Variants in TRPM3 observed in about 807,000 individuals in gnomAD.
TRPM3 encodes transient receptor potential cation channel subfamily M member 3.
Under a neutral mutation model 181.2 loss-of-function variants are expected in TRPM3, and 77 were observed. The ratio of observed to expected loss-of-function variants is 0.42; its 90% CI spans 0.35 to 0.51. TRPM3 has a LOEUF of 0.51. Ranked by LOEUF, TRPM3 falls within the 20% of genes least tolerant of loss-of-function variation. TRPM3 has a pLI of 0.01. For synonymous variants in TRPM3, 745 were observed against 796.4 expected (o/e 0.94, Z 1.09); for missense variants, 1,759 against 2,196.7 (o/e 0.80, Z 3.98).
At chr9:70,644,544 G>T (rs1004921679) in intron 9 of TRPM3, among the ~76,000 whole-genome samples, 5 of 152,130 alleles carry the variant, frequency 3.3e-5, no homozygotes, top group African/African-American at 9.7e-5. Context: ...ACTAGGTATT[G>T]ATGGAATGTA....
intron 1 of TRPM3, among the ~76,000 whole-genome samples, chr9:71,284,992 A>G (rs1004417905): frequency 1.3e-5 from 2 of 152,210 alleles, no homozygotes; most frequent in African/African-American, 4.8e-5. Context: ...TAAAAAATAC[A>G]TTTTCCATAA....
intron 1 of TRPM3, among the ~76,000 whole-genome samples, chr9:71,071,106 CT>C (rs2062707708): frequency 6.6e-6 from 1 of 152,094 alleles, no homozygotes; most frequent in African/African-American, 2.4e-5. Flanking sequence ...TCAAAGAGCA[CT>C]GATTGTCCCC....
intron 1 of TRPM3, among the ~76,000 whole-genome samples, chr9:71,298,514 T>C (rs1289921490): frequency 6.6e-6 from 1 of 152,112 alleles, no homozygotes; most frequent in African/African-American, 2.4e-5. Flanking sequence ...ATTTATGGTT[T>C]TATACATTTG....
At chr9:70,855,477 A>G (rs1212786867) in intron 3 of TRPM3, among the ~76,000 whole-genome samples, 1 of 152,050 alleles carries the variant, frequency 6.6e-6, no homozygotes, top group Non-Finnish European at 1.5e-5. Context: ...GAATCTGGCT[A>G]CTCTCTCGGA....
intron 1 of TRPM3, among the ~76,000 whole-genome samples, chr9:70,877,396 T>C (rs776783291): frequency 2.2e-4 from 34 of 152,126 alleles, no homozygotes; most frequent in South Asian, 6.2e-4. Flanking sequence ...TTCTTTAAAG[T>C]GACACAAATA....
chr9:71,311,900 G>T lies in TRPM3; in HGVS notation c.183+134753C>A, dbSNP rs2087982634. ...TAATTTTTGTTGGGCTGCATTCAAA[G>T]ATTCAAAAAATCTCATGTTTTAAGC... is the stretch of plus-strand genomic sequence containing the variant. On this transcript the variant is annotated intron_variant, in intron 1 of 24. Coordinates refer to the TRPM3 transcript ENST00000357533. Among the ~76,000 whole-genome samples the T allele has an allele frequency of 2.0e-5, 3 of 152,104 alleles. No individual in the cohort carries two copies. The South Asian group carries it at 6.2e-4, about 32-fold the overall frequency.
At chr9:71,122,979 A>C (rs531813505), upstream of TRPM3, among the ~76,000 whole-genome samples, 35 of 152,346 alleles carry the variant, frequency 2.3e-4, no homozygotes, top group Middle Eastern at 3.4e-3. Flanking sequence ...AGCACAATGC[A>C]TTGCATAGGT....
intron 1 of TRPM3, among the ~76,000 whole-genome samples, chr9:71,229,238 T>C (rs763224853): frequency 1.3e-5 from 2 of 152,096 alleles, no homozygotes; most frequent in Admixed American, 6.6e-5. Flanking sequence ...TTTTAATCAA[T>C]AGTGCTGGGA....
At chr9:70,739,584 C>T (rs1353334202) in intron 8 of TRPM3, among the ~76,000 whole-genome samples, 1 of 151,884 alleles carries the variant, frequency 6.6e-6, no homozygotes, top group African/African-American at 2.4e-5. Flanking sequence ...AGGATGCCCA[C>T]TTTTTTATTA....
At chr9:70,836,660 C>T (rs530474072) in intron 5 of TRPM3, among the ~76,000 whole-genome samples, 193 of 152,256 alleles carry the variant, frequency 1.3e-3, no homozygotes, top group African/African-American at 4.5e-3. Context: ...TCAGACATTG[C>T]TTTGGTCTCC....
At chr9:71,133,531 T>C (rs74536265) in intron 1 of TRPM3, among the ~76,000 whole-genome samples, 92,894 of 151,504 alleles carry the variant, frequency 0.61, 29,087 homozygotes, top group African/African-American at 0.75. Context: ...ACTCCCAACT[T>C]AGGTGATCCG....
intron 22 of TRPM3, among the ~76,000 whole-genome samples, chr9:70,565,620 C>A (rs1302558159): frequency 1.4e-5 from 2 of 143,868 alleles, no homozygotes; most frequent in South Asian, 4.4e-4. Context: ...AAATAATAAA[C>A]TGAGATACCA....
intron 8 of TRPM3, among the ~76,000 whole-genome samples, chr9:70,745,806 C>G (rs561309131): frequency 2.0e-5 from 3 of 152,092 alleles, no homozygotes; most frequent in Admixed American, 1.3e-4. Flanking sequence ...TTAATTGTAC[C>G]CTGTCCACTA....
intron 1 of TRPM3, among the ~76,000 whole-genome samples, chr9:71,047,888 T>C (rs1430235850): frequency 6.6e-6 from 1 of 151,182 alleles, no homozygotes; most frequent in Non-Finnish European, 1.5e-5. Context: ...AAAAACGGTA[T>C]GGTAAGAGCA....
chr9:71,233,092 G>T (rs2081165651), intron 1 of TRPM3, among the ~76,000 whole-genome samples: 2 of 152,152 alleles, frequency 1.3e-5, no homozygotes, highest in Non-Finnish European at 2.9e-5. Context: ...GCAAACCAGG[G>T]TCTTCATTTT....
At chr9:71,047,810 T>TCACACACACA (rs56653631) in intron 1 of TRPM3, among the ~76,000 whole-genome samples, 3 of 141,528 alleles carry the variant, frequency 2.1e-5, no homozygotes, top group Admixed American at 7.0e-5. Context: ...ACTGGCTGCA[T>TCACACACACA]CACACACACA....
chr9:70,923,700 T>C (rs950101957), intron 1 of TRPM3, among the ~76,000 whole-genome samples: 51 of 151,772 alleles, frequency 3.4e-4, no homozygotes, highest in African/African-American at 1.2e-3. Flanking sequence ...GGAGAGCCAG[T>C]GAGTTACTCT....
chr9:70,591,213 G>A lies in TRPM3; in HGVS notation c.3049-8C>T. On this transcript the variant is annotated splice_polypyrimidine_tract_variant and splice_region_variant and intron_variant, in intron 21 of 25. Transcript: ENST00000677713. The stretch of plus-strand genomic sequence containing the variant: ...GTACATCATGTCTATCATCTGGAAG[G>A]GTGGGGAAGCAGAGGGAGAAACAAG... 1 of 1,612,636 alleles carries A rather than the reference G, an allele frequency of 6.2e-7. No individual in the cohort carries two copies. Among genetic ancestry groups the A allele is most frequent in the Non-Finnish European group, 8.5e-7 (1 of 1,178,770 alleles).
At position 71,377,261 on chromosome 9, in the gene TRPM3, T is replaced by G. The variant is rs139034200; in HGVS notation, c.183+69392A>C. Among the ~76,000 whole-genome samples the G allele has an allele frequency of 9.5e-4, 144 of 152,204 alleles. 2 individuals carry two copies. Among genetic ancestry groups the G allele is most frequent in the South Asian group, 5.8e-3 (28 of 4,822 alleles). On this transcript the variant is annotated intron_variant, in intron 1 of 24. Coordinates refer to the TRPM3 transcript ENST00000357533. ...GCAGATCATTATAATAAATCTAGAA[T>G]ATATGGACTTTAAAAGCCCTCTAAG...
Sources: gnomAD v4.1 joint callset for allele counts (sites outside exome capture counted in the v4.1 genomes callset) on GRCh38, gnomAD v4.1.1 for gene constraint, MANE v1.5 for transcripts, NCBI Gene and HGNC (gene_info 2026-07-23, HGNC 2026-07-21) for gene names.